Variants in BDP1 observed in about 807,000 individuals in gnomAD.
BDP1 encodes the protein transcription factor TFIIIB component B'' homolog.
Under a neutral mutation model 266.6 loss-of-function variants are expected in BDP1, and 169 were observed. That is an observed-to-expected ratio of 0.63 (90% CI 0.56 to 0.72). The LOEUF is 0.72. BDP1 is among the 30% of genes least tolerant of loss of function. BDP1 has a pLI of 0.00. For missense variants in BDP1, 3,015 were observed against 3,053.8 expected (o/e 0.99, Z 0.30); for synonymous variants, 1,090 against 1,022.4 (o/e 1.07, Z -1.26).
intron 9 of BDP1, among the ~76,000 whole-genome samples, chr5:71,488,794 G>A (rs774591936): frequency 1.7e-4 from 25 of 150,576 alleles, no homozygotes; most frequent in Non-Finnish European, 2.7e-4. Flanking sequence ...TGCAACCTCC[G>A]CCTCCCGTGT....
intron 13 of BDP1, among the ~76,000 whole-genome samples, chr5:71,498,698 A>T (rs1561710549): frequency 6.8e-6 from 1 of 147,316 alleles, no homozygotes. Flanking sequence ...TGCTGGGATT[A>T]CAGGCGTGAG....
chr5:71,529,235 C>A (rs55880961), intron 25 of BDP1, among the ~76,000 whole-genome samples: 66 of 152,000 alleles, frequency 4.3e-4, no homozygotes, highest in African/African-American at 1.5e-3. Context: ...ACTAAAAATA[C>A]AAAAATTTGC....
chr5:71,564,861 C>A lies in BDP1; in HGVS notation c.7851C>A (p.Phe2617Leu), dbSNP rs1388471090. 1.2e-6 allele frequency: 2 copies of A among 1,607,274 alleles called. No individual in the cohort carries two copies. Among genetic ancestry groups the A allele is most frequent in the Middle Eastern group, 2.3e-4 (1 of 4,422 alleles). ...TVSEYFFNDI[F>L]IEVDETE ...CTGAATATTTCTTCAATGATATCTT[C>A]ATTGAAGTGGATGAAACAGAATAAA... Residue 2617 changes from phenylalanine (F) to leucine (L), a missense_variant, in exon 39 of 39, where the codon TTC becomes TTA. Phe to Leu is a conservative substitution (Grantham distance 22). Transcript: ENST00000358731.
intron 17 of BDP1, 113 bp from the exon 18 acceptor site, chr5:71,512,128 A>G (rs1764954248): frequency 3.8e-6 from 2 of 522,242 alleles, no homozygotes; most frequent in African/African-American, 2.0e-5. Flanking sequence ...AAAATTAAAA[A>G]CTTCTAAAGT....
chr5:71,500,012 A>G (rs1349369555), intron 13 of BDP1, among the ~76,000 whole-genome samples: 1 of 152,184 alleles, frequency 6.6e-6, no homozygotes, highest in Non-Finnish European at 1.5e-5. Flanking sequence ...TGTGAAACTG[A>G]CAGTCATAAA....
rs773003980 is a variant in BDP1, at chr5:71,562,294, G to C, written c.7517G>C (p.Gly2506Ala). The C allele has an allele frequency of 3.1e-6, 5 of 1,605,408 alleles. No individual in the cohort carries two copies. The Admixed American group carries it at 8.6e-5, about 28-fold the overall frequency. ...SLSRPGRRPLGFLSLICSKNS... is the reference protein window; with the variant it reads ...SLSRPGRRPLAFLSLICSKNS... ...TCTAGACCTGGCAGAAGACCCCTGG[G>C]ATTTTTATCTTTAATATGCTCAAAG... The change falls in exon 38 of 39, where the codon GGA becomes GCA. Residue 2506 changes from glycine to alanine, a missense_variant. Physicochemically the swap from Gly to Ala is moderately conservative, Grantham distance 60. Around this residue, in one of 3 missense-constraint regions of BDP1, gnomAD observed 629 missense variants for 632.5 expected, o/e 0.99. Coordinates refer to ENST00000358731, the MANE Select transcript of BDP1 (RefSeq NM_018429.3).
At chr5:71,524,605 T>A (rs1179788752) in intron 25 of BDP1, among the ~76,000 whole-genome samples, 1 of 147,484 alleles carries the variant, frequency 6.8e-6, no homozygotes, top group Non-Finnish European at 1.5e-5. Flanking sequence ...ATCTTTCTTT[T>A]TTTTTATTTT....
intron 25 of BDP1, among the ~76,000 whole-genome samples, chr5:71,525,534 G>C (rs1439565391): frequency 7.6e-6 from 1 of 132,096 alleles, no homozygotes; most frequent in Non-Finnish European, 1.7e-5. Context: ...CTGGCCGGGC[G>C]GGGGGCTGAC....
chr5:71,532,282 GA>G, intron 25 of BDP1, 25 bp from the exon 26 acceptor site: 1 of 1,607,540 alleles, frequency 6.2e-7, no homozygotes, highest in Non-Finnish European at 8.5e-7. Flanking sequence ...ATGCCAAAAT[GA>G]AATGATAAAA....
intron 22 of BDP1, among the ~76,000 whole-genome samples, chr5:71,522,024 A>C (rs1427393431): frequency 1.3e-5 from 2 of 152,180 alleles, no homozygotes; most frequent in Non-Finnish European, 2.9e-5. Context: ...ATATAATAGA[A>C]TGAATAAATG....
At chr5:71,481,276 C>T (rs535968171) in intron 7 of BDP1, among the ~76,000 whole-genome samples, 61 of 149,592 alleles carry the variant, frequency 4.1e-4, no homozygotes, top group Admixed American at 7.4e-4. Flanking sequence ...GTGGGCCAGG[C>T]GCGGTGGTTC....
intron 30 of BDP1, among the ~76,000 whole-genome samples, chr5:71,542,827 G>A (rs1251035294): frequency 6.6e-6 from 1 of 151,806 alleles, no homozygotes; most frequent in East Asian, 1.9e-4. Flanking sequence ...TTTTATTTGT[G>A]TTATATACTG....
chr5:71,509,643 G>GT lies in BDP1; in HGVS notation c.2552dup (p.Arg852LysfsTer15). The GT allele has an allele frequency of 1.2e-6, 2 of 1,613,282 alleles. No individual in the cohort carries two copies. The highest frequency in any genetic ancestry group is 1.7e-6 in the Non-Finnish European group (2 of 1,179,836). ...AATGGCGGCAGCATTGAGAGAAACT[G>GT]TAAGACTAGACACCTCACCAAAGGA... On this transcript the variant is annotated frameshift_variant, in exon 17 of 39. Transcript: ENST00000358731. LOFTEE classifies it high-confidence loss of function.
intron 1 of BDP1, among the ~76,000 whole-genome samples, chr5:71,458,161 C>T (rs919096708): frequency 2.0e-5 from 3 of 151,824 alleles, no homozygotes; most frequent in South Asian, 2.1e-4. Context: ...AGTAAAATGC[C>T]GGTAGTTTAG....
In BDP1 at chr5:71,489,669, A is replaced by C; in HGVS notation, c.1479A>C (p.Gly493=). The C allele has an allele frequency of 6.2e-7, 1 of 1,604,138 alleles. No individual in the cohort carries two copies. Among genetic ancestry groups the C allele is most frequent in the Non-Finnish European group, 8.5e-7 (1 of 1,177,460 alleles). ...CTGTTCAGGCGGGTCCTTCTAAAGG[A>C]GAAAAACACAAGAGTAAGTTTCTTA... The part of the protein sequence containing the change: ...NATVQAGPSK[G]EKHKNKCQAI... Residue 493 remains glycine (G), a synonymous_variant, in exon 10 of 39, where the codon GGA becomes GGC. Coordinates refer to ENST00000358731, the MANE Select transcript of BDP1 (RefSeq NM_018429.3).
At chr5:71,541,234 C>T (rs1010753135) in intron 28 of BDP1, among the ~76,000 whole-genome samples, 2 of 152,116 alleles carry the variant, frequency 1.3e-5, no homozygotes, top group African/African-American at 4.8e-5. Context: ...GATTATTAAG[C>T]TCACAACAGG....
Position 71,509,904 on chromosome 5 carries a change from T to G in BDP1, c.2812T>G (p.Ser938Ala), listed in dbSNP as rs747845219. The G allele has an allele frequency of 5.0e-6, 8 of 1,613,512 alleles. No homozygotes were observed. Among genetic ancestry groups the G allele is most frequent in the Non-Finnish European group, 5.1e-6 (6 of 1,179,942 alleles). ...DLEEAGRREISPQKNGPEEVK... is the reference protein window; with the variant it reads ...DLEEAGRREIAPQKNGPEEVK... ...GGAAGAAGCTGGAAGAAGAGAAATATCCCCACAGAAAAATGGCCCAGAGGA... is the reference window on the plus strand; with the variant it reads ...GGAAGAAGCTGGAAGAAGAGAAATAGCCCCACAGAAAAATGGCCCAGAGGA... The change falls in exon 17 of 39, where the codon TCC (serine) becomes GCC (alanine). Residue 938 changes from serine to alanine, a missense_variant. Ser to Ala is a moderately conservative substitution (Grantham distance 99, BLOSUM62 1). This residue lies in a region of BDP1 where 2,383 missense variants were observed against 2,404.9 expected (regional missense o/e 0.99). Transcript: ENST00000358731.
rs1744014589 is a variant in BDP1 at position 71,566,075 on chromosome 5, T to C, written c.*1190T>C. On this transcript the variant is annotated 3_prime_UTR_variant, in exon 39 of 39. Coordinates refer to ENST00000358731, the MANE Select transcript of BDP1 (RefSeq NM_018429.3). Reference sequence around the variant, plus strand: ...ACTAAAAATGTTTAGCTGGTGTATATGTTTTGAATACCTTTTTCCCCTCAG... The same window carrying C: ...ACTAAAAATGTTTAGCTGGTGTATACGTTTTGAATACCTTTTTCCCCTCAG... 2 of 188,382 alleles carry C rather than the reference T, an allele frequency of 1.1e-5. No individual in the cohort carries two copies. The highest frequency in any genetic ancestry group is 1.5e-4 in the South Asian group (2 of 13,692). 11.7% of individuals were successfully genotyped at this position (188,382 alleles called of 1,614,324 possible). A position where few individuals can be genotyped will look rare whatever the true frequency, so the allele number is the denominator to read the frequency against.
intron 10 of BDP1, among the ~76,000 whole-genome samples, chr5:71,489,888 T>C (rs2150409674): frequency 6.6e-6 from 1 of 152,346 alleles, no homozygotes; most frequent in Non-Finnish European, 1.5e-5. Flanking sequence ...GGGGAGATTG[T>C]TCTCTAAAGT....
Sources: gnomAD v4.1 joint callset for allele counts (sites outside exome capture counted in the v4.1 genomes callset) on GRCh38, gnomAD v4.1.1 for gene constraint, gnomAD v4.1.1 regional missense constraint, MANE v1.5 for transcripts, NCBI Gene and HGNC (gene_info 2026-07-23, HGNC 2026-07-21) for gene names.